The following TMEM9 variants were observed in gnomAD, a reference collection of about 807,000 sequenced individuals.
The protein encoded by TMEM9 is transmembrane protein 9.
TMEM9 carries 13 observed loss-of-function variants against 22.8 expected under a neutral mutation model. That is an observed-to-expected ratio of 0.57 (90% CI 0.37 to 0.91). The LOEUF (loss-of-function observed/expected upper bound fraction) is 0.91, where lower values mean the gene tolerates loss of function less well. TMEM9 is among the 40% of genes least tolerant of loss of function. The probability of loss-of-function intolerance (pLI) is 0.01; values close to 1 mark genes in which losing one functional copy is unlikely to be tolerated. For missense variants in TMEM9, 182 were observed against 238.1 expected (o/e 0.76, Z 1.55); for synonymous variants, 88 against 93.0 (o/e 0.95, Z 0.31).
At chr1:201,147,578 G>A (rs1319974876) in intron 2 of TMEM9, among the ~76,000 whole-genome samples, 3 of 152,124 alleles carry the variant, frequency 2.0e-5, no homozygotes, top group Non-Finnish European at 2.9e-5. Context: ...CAGCCTCCGC[G>A]CTGCCCTCCT....
intron 2 of TMEM9, among the ~76,000 whole-genome samples, chr1:201,151,396 A>G (rs184874629): frequency 8.8e-4 from 134 of 152,372 alleles, no homozygotes; most frequent in African/African-American, 3.1e-3. Context: ...CTGGCACAGA[A>G]TAACACATGT....
chr1:201,155,625 G>A (rs1366796499), upstream of TMEM9, among the ~76,000 whole-genome samples: 1 of 152,172 alleles, frequency 6.6e-6, no homozygotes, highest in Non-Finnish European at 1.5e-5. Context: ...GGGGCAGGAG[G>A]CCTGCAGTGT....
chr1:201,159,906 C>T (rs1305162761), intron 1 of TMEM9, among the ~76,000 whole-genome samples: 1 of 152,246 alleles, frequency 6.6e-6, no homozygotes, highest in African/African-American at 2.4e-5. Context: ...TGCCCATTAG[C>T]TACCCTGATG....
intron 3 of TMEM9, among the ~76,000 whole-genome samples, chr1:201,146,462 A>G (rs1328135854): frequency 6.6e-6 from 1 of 152,194 alleles, no homozygotes; most frequent in Non-Finnish European, 1.5e-5. Flanking sequence ...AACGAAATAA[A>G]CTGTAAAGAA....
intron 1 of TMEM9, among the ~76,000 whole-genome samples, chr1:201,152,416 A>AT (rs1665506162): frequency 6.6e-6 from 1 of 152,224 alleles, no homozygotes; most frequent in Non-Finnish European, 1.5e-5. Context: ...GTCTTTACTA[A>AT]TTAGGATTTC....
At chr1:201,160,145 T>C (rs112917938) in intron 1 of TMEM9, among the ~76,000 whole-genome samples, 6,106 of 152,310 alleles carry the variant, frequency 0.04, 324 homozygotes, top group African/African-American at 0.13. Context: ...GGTAAGGCCC[T>C]GGGGCCAGAA....
intron 1 of TMEM9, among the ~76,000 whole-genome samples, chr1:201,162,547 A>C (rs1007139988): frequency 9.9e-5 from 15 of 152,078 alleles, no homozygotes; most frequent in East Asian, 3.8e-4. Flanking sequence ...AAAAAAAAAA[A>C]AAACCCTGAC....
chr1:201,160,591 A>C (rs1232412379), intron 1 of TMEM9, among the ~76,000 whole-genome samples: 1 of 148,078 alleles, frequency 6.8e-6, no homozygotes, highest in Non-Finnish European at 1.5e-5. Context: ...ATCTGTCTCA[A>C]AAAAAAAATA....
intron 4 of TMEM9, among the ~76,000 whole-genome samples, chr1:201,136,776 G>A (rs10920127): frequency 0.056 from 8,467 of 152,244 alleles, 244 homozygotes; most frequent in South Asian, 0.076. Flanking sequence ...CCACACCCCC[G>A]TGGGGATTTC....
intron 4 of TMEM9, among the ~76,000 whole-genome samples, chr1:201,139,673 C>T (rs1310371955): frequency 6.6e-6 from 1 of 152,244 alleles, no homozygotes; most frequent in Non-Finnish European, 1.5e-5. Context: ...CGCTGCCCCT[C>T]AGGCTTCCCT....
chr1:201,143,598 G>C (rs760426782), intron 4 of TMEM9, among the ~76,000 whole-genome samples: 1 of 152,220 alleles, frequency 6.6e-6, no homozygotes, highest in Admixed American at 6.5e-5. Context: ...TGGCTCCCCC[G>C]GCTTGTACAT....
chr1:201,137,974 C>T lies in TMEM9; in HGVS notation c.400-2159G>A, dbSNP rs533143325. 1.6e-4 allele frequency among the ~76,000 whole-genome samples: 24 copies of T among 152,304 alleles called. 1 individual carries two copies. The South Asian group carries it at 3.3e-3, about 21-fold the overall frequency. ...CCACCCAGTCCTGCCTCAGTGTGGC[C>T]GTCTACATGAGGTGGGCACTAAAGA... On this transcript the variant is annotated intron_variant, in intron 4 of 4. Transcript: ENST00000367330.
chr1:201,155,424 C>T (rs888162552), upstream of TMEM9, among the ~76,000 whole-genome samples: 12 of 152,214 alleles, frequency 7.9e-5, no homozygotes, highest in African/African-American at 2.7e-4. Flanking sequence ...AAGCCCCTCG[C>T]AGGCCCTGTG....
At chr1:201,157,635 G>A (rs1405873443), upstream of TMEM9, among the ~76,000 whole-genome samples, 3 of 152,326 alleles carry the variant, frequency 2.0e-5, no homozygotes, top group East Asian at 3.9e-4. Flanking sequence ...ACTGTGCTAG[G>A]TGCTGGGGAT....
chr1:201,141,317 C>T (rs1429216879), intron 4 of TMEM9, among the ~76,000 whole-genome samples: 5 of 152,344 alleles, frequency 3.3e-5, no homozygotes, highest in African/African-American at 1.2e-4. Context: ...CAAATCTCAA[C>T]ACTGTGCCAC....
intron 4 of TMEM9, among the ~76,000 whole-genome samples, chr1:201,137,543 T>A (rs978494425): frequency 2.0e-5 from 3 of 150,822 alleles, no homozygotes; most frequent in African/African-American, 7.3e-5. Flanking sequence ...CATAAAACAA[T>A]ACTTAGTGTA....
intron 1 of TMEM9, among the ~76,000 whole-genome samples, chr1:201,161,118 A>G (rs2102292595): frequency 6.6e-6 from 1 of 152,374 alleles, no homozygotes; most frequent in Middle Eastern, 3.4e-3. Flanking sequence ...TCCAAAAGAT[A>G]AAATTTAGCA....
At chr1:201,155,755 G>A (rs1199378772), upstream of TMEM9, among the ~76,000 whole-genome samples, 1 of 152,148 alleles carries the variant, frequency 6.6e-6, no homozygotes, top group Non-Finnish European at 1.5e-5. Flanking sequence ...ATCTTTGGAA[G>A]TCTTTGGAAT....
chr1:201,151,792 T>C lies in TMEM9; in HGVS notation c.127A>G (p.Ile43Val). Residue 43 changes from isoleucine (I) to valine (V), a missense_variant, in exon 2 of 5, where the codon ATT (isoleucine) becomes GTT (valine). Transcript: ENST00000367330. ...CPPYRNISGH[I>V]YNQNVSQKDC... ...TTCTGGGATACATTCTGGTTGTAAA[T>C]GTGCCCACTGATGTTTCTATAAGGT... The C allele has an allele frequency of 6.2e-7, 1 of 1,614,044 alleles. No homozygotes were observed. Among genetic ancestry groups the C allele is most frequent in the Non-Finnish European group, 8.5e-7 (1 of 1,180,012 alleles).
Sources: gnomAD v4.1 joint callset for allele counts (sites outside exome capture counted in the v4.1 genomes callset) on GRCh38, gnomAD v4.1.1 for gene constraint, MANE v1.5 for transcripts, NCBI Gene and HGNC (gene_info 2026-07-23, HGNC 2026-07-21) for gene names.